Variants in CAMK1D observed in about 807,000 individuals in gnomAD.
CAMK1D encodes calcium/calmodulin dependent protein kinase ID, also known as calcium/calmodulin-dependent protein kinase type 1D.
In CAMK1D, 9 loss-of-function variants were observed where a neutral mutation model predicts 47.7. That is an observed-to-expected ratio of 0.19 (90% confidence interval 0.11 to 0.33). The LOEUF is 0.33. Among genes scored for constraint, CAMK1D ranks in the 10% least tolerant of loss-of-function variants. The pLI is 1.00. For synonymous variants in CAMK1D, 184 were observed against 184.9 expected, an observed-to-expected ratio of 0.99 and a Z score of 0.04; for missense variants, 291 against 488.7, an observed-to-expected ratio of 0.60 and a Z score of 3.81.
chr10:12,802,076 T>C (rs113243758), intron 6 of CAMK1D, among the ~76,000 whole-genome samples: 2 of 152,262 alleles, frequency 1.3e-5, no homozygotes, highest in Non-Finnish European at 2.9e-5. Flanking sequence ...GGGTTGCCAT[T>C]AACTAATGAT....
At chr10:12,437,658 A>G (rs1016648199) in intron 1 of CAMK1D, among the ~76,000 whole-genome samples, 6 of 152,178 alleles carry the variant, frequency 3.9e-5, no homozygotes, top group African/African-American at 1.4e-4. Context: ...ACCCACAATG[A>G]CACGTCACCA....
At chr10:12,710,026 TCTTAA>T (rs1056729893) in intron 3 of CAMK1D, among the ~76,000 whole-genome samples, 2 of 152,206 alleles carry the variant, frequency 1.3e-5, no homozygotes, top group Non-Finnish European at 2.9e-5. Context: ...TGAGCAAACT[TCTTAA>T]CTTTTCTGTG....
At chr10:12,616,547 T>C (rs1049992704) in intron 2 of CAMK1D, among the ~76,000 whole-genome samples, 1 of 152,120 alleles carries the variant, frequency 6.6e-6, no homozygotes, top group Non-Finnish European at 1.5e-5. Flanking sequence ...AGACGGAGTC[T>C]CGCTCTGTCT....
chr10:12,403,704 T>G (rs1198925038), intron 1 of CAMK1D, among the ~76,000 whole-genome samples: 1 of 152,156 alleles, frequency 6.6e-6, no homozygotes, highest in Non-Finnish European at 1.5e-5. Context: ...TTGCAAAAAA[T>G]TCAGTATACT....
chr10:12,691,402 TAAATATATATATATA>T (rs1832912322), intron 3 of CAMK1D, among the ~76,000 whole-genome samples: 5 of 7,282 alleles, frequency 6.9e-4, no homozygotes, highest in African/African-American at 1.0e-3. Flanking sequence ...TATATATATA[TAAATATATATATATA>T]TATATTTTTT....
At chr10:12,616,622 A>G (rs1474049426) in intron 2 of CAMK1D, among the ~76,000 whole-genome samples, 3 of 151,540 alleles carry the variant, frequency 2.0e-5, no homozygotes, top group East Asian at 1.9e-4. Context: ...GGTTCACGCC[A>G]TTCTCCTGCC....
At chr10:12,669,757 TAAA>T (rs1269679102) in intron 3 of CAMK1D, among the ~76,000 whole-genome samples, 1 of 152,214 alleles carries the variant, frequency 6.6e-6, no homozygotes, top group African/African-American at 2.4e-5. Context: ...TTATATTTTA[TAAA>T]ATATCATATA....
chr10:12,595,130 T>A (rs1838105114), intron 2 of CAMK1D, among the ~76,000 whole-genome samples: 1 of 151,592 alleles, frequency 6.6e-6, no homozygotes, highest in Admixed American at 6.6e-5. Flanking sequence ...TCATCTGAGG[T>A]CAGGAGTTCA....
At chr10:12,693,187 A>C (rs1833000417) in intron 3 of CAMK1D, among the ~76,000 whole-genome samples, 1 of 152,098 alleles carries the variant, frequency 6.6e-6, no homozygotes, top group Non-Finnish European at 1.5e-5. Flanking sequence ...AACATGGTGA[A>C]ACCGCGTCTC....
chr10:12,825,853 T>C, intron 10 of CAMK1D, 163 bp downstream of exon 10: 1 of 1,198,392 alleles, frequency 8.3e-7, no homozygotes, highest in South Asian at 1.5e-5. Flanking sequence ...ATGTAATCAC[T>C]GGGCTGGGTG....
intron 4 of CAMK1D, among the ~76,000 whole-genome samples, chr10:12,764,149 G>A (rs1338568061): frequency 6.6e-6 from 1 of 152,222 alleles, no homozygotes; most frequent in Admixed American, 6.5e-5. Flanking sequence ...GGGAGGCGGA[G>A]GCGGGTGGAT....
intron 5 of CAMK1D, among the ~76,000 whole-genome samples, chr10:12,780,070 T>C (rs1837426000): frequency 1.3e-5 from 2 of 152,134 alleles, no homozygotes; most frequent in Admixed American, 6.5e-5. Context: ...CTTGTTCTTC[T>C]CTAAAAGGAG....
intron 3 of CAMK1D, among the ~76,000 whole-genome samples, chr10:12,729,330 T>C (rs1204367322): frequency 1.3e-5 from 2 of 152,136 alleles, no homozygotes; most frequent in Non-Finnish European, 2.9e-5. Flanking sequence ...AGATGCCGAG[T>C]ACCTATAGAA....
chr10:12,791,264 C>G, intron 6 of CAMK1D, 31 bp downstream of exon 6: 1 of 1,592,200 alleles, frequency 6.3e-7, no homozygotes, highest in Non-Finnish European at 8.6e-7. Flanking sequence ...TGGGTTCTTC[C>G]TCTACCGGCC....
chr10:12,539,059 G>T (rs935539454), intron 1 of CAMK1D, among the ~76,000 whole-genome samples: 1 of 152,088 alleles, frequency 6.6e-6, no homozygotes, highest in African/African-American at 2.4e-5. Flanking sequence ...GAGCCACCAC[G>T]CCTGGCCTCC....
At chr10:12,710,995 A>G (rs1048031705) in intron 3 of CAMK1D, among the ~76,000 whole-genome samples, 1 of 152,098 alleles carries the variant, frequency 6.6e-6, no homozygotes, top group Admixed American at 6.6e-5. Flanking sequence ...TTGCTTGTGT[A>G]TTTCATCATG....
At chr10:12,800,731 G>T (rs1402406454) in intron 6 of CAMK1D, among the ~76,000 whole-genome samples, 2 of 152,188 alleles carry the variant, frequency 1.3e-5, no homozygotes, top group African/African-American at 4.8e-5. Flanking sequence ...GAAAGCTTGA[G>T]CTGTTCTAGA....
rs546239408 is a variant in CAMK1D, at chr10:12,772,021, G to A, written c.565+2222G>A. Among the ~76,000 whole-genome samples, 8 of 142,584 alleles carry A rather than the reference G, an allele frequency of 5.6e-5. No individual in the cohort carries two copies. The East Asian group carries it at 8.3e-4, about 15-fold the overall frequency. The allele number at this position is 142,584 out of a possible 152,430, so 93.5% of individuals were successfully genotyped here. ...TGCACTCCAGCCTGGGTGACAAAGC[G>A]AGATGCTATCTCAGGAAAAAAAAAA... On this transcript the variant is annotated intron_variant, in intron 5 of 10. Transcript: ENST00000619168.
intron 1 of CAMK1D, among the ~76,000 whole-genome samples, chr10:12,537,436 T>C (rs1836011685): frequency 6.6e-6 from 1 of 152,246 alleles, no homozygotes; most frequent in South Asian, 2.1e-4. Flanking sequence ...GCCAGATTAG[T>C]TTCCCAAAAT....
Sources: allele counts gnomAD v4.1 joint callset (sites outside exome capture counted in the v4.1 genomes callset), GRCh38; gene constraint gnomAD v4.1.1; transcripts MANE v1.5; gene names NCBI Gene and HGNC (gene_info 2026-07-23, HGNC 2026-07-21).